Variants in FAM180B observed in about 807,000 individuals in gnomAD.
The protein encoded by FAM180B is protein FAM180B.
In FAM180B, 14 loss-of-function variants were observed where a neutral mutation model predicts 13.6. That is an observed-to-expected ratio of 1.03 (90% confidence interval 0.68 to 1.60). FAM180B has a LOEUF of 1.60. Among genes scored for constraint, FAM180B ranks in the 40% most tolerant of loss-of-function variants. The pLI is 0.00. For synonymous variants in FAM180B, 109 were observed against 97.0 expected (o/e 1.12, Z -0.72); for missense variants, 212 against 230.4 (o/e 0.92, Z 0.52).
Position 47,588,100 on chromosome 11 carries a change from T to A in FAM180B, c.218T>A (p.Leu73Gln). The A allele has an allele frequency of 6.5e-7, 1 of 1,537,086 alleles. No individual in the cohort carries two copies. Among genetic ancestry groups the A allele is most frequent in the Non-Finnish European group, 8.7e-7 (1 of 1,146,872 alleles). ...CAGCTGCACATCCAGGATGAGGAAC[T>A]AGCGTCCACACACCCAGGCCGCCGA... ...MGQLHIQDEELASTHPGRRLR... is the reference protein window; with the variant it reads ...MGQLHIQDEEQASTHPGRRLR... Residue 73 changes from leucine to glutamine, a missense_variant, in exon 3 of 3, where the codon CTA becomes CAA. Transcript: ENST00000538490.
Position 47,588,487 on chromosome 11 carries a change from A to T in FAM180B, c.*53A>T. ...ATTACCCCCTCCCATCTCCTCCTCA[A>T]CCCCCCAGGCAGACCCATCTTGCGC... On this transcript the variant is annotated 3_prime_UTR_variant, in exon 3 of 3. Coordinates refer to ENST00000538490, the MANE Select transcript of FAM180B (RefSeq NM_001164379.3). The T allele has an allele frequency of 1.2e-6, 1 of 828,576 alleles. No homozygotes were observed. The highest frequency in any genetic ancestry group is 1.8e-6 in the Non-Finnish European group (1 of 548,976). 51.3% of individuals were successfully genotyped at this position (828,576 alleles called of 1,614,324 possible). A position where few individuals can be genotyped will look rare whatever the true frequency, so the allele number is the denominator to read the frequency against.
chr11:47,586,828 T>A lies in FAM180B; in HGVS notation c.60T>A (p.Gly20=). 1 of 1,537,102 alleles carries A rather than the reference T, an allele frequency of 6.5e-7. No homozygotes were observed. Residue 20 remains glycine (G), a synonymous_variant, in exon 1 of 3, where the codon GGT becomes GGA. Coordinates refer to ENST00000538490, the MANE Select transcript of FAM180B (RefSeq NM_001164379.3). Reference sequence around the variant, plus strand: ...TGGTAGCCATTTGTCTCCTCTCTGGTGTGACTACAACCCAGCCCCATGCAG... The same window carrying A: ...TGGTAGCCATTTGTCTCCTCTCTGGAGTGACTACAACCCAGCCCCATGCAG... ...CLVVAICLLS[G]VTTTQPHAGQ...
chr11:47,586,969 C>A (rs2097271935), intron 1 of FAM180B, 116 bp downstream of exon 1: 1 of 703,780 alleles, frequency 1.4e-6, no homozygotes, highest in Non-Finnish European at 2.5e-6. Context: ...GGGTACCAGG[C>A]TGATGTGTGC....
At position 47,587,772 on chromosome 11, in the gene FAM180B, G is replaced by A. The variant is rs943509966; in HGVS notation, c.107G>A (p.Ser36Asn). Residue 36 changes from serine to asparagine, a missense_variant, in exon 2 of 3, where the codon AGC (serine) becomes AAC (asparagine). Coordinates refer to ENST00000538490, the MANE Select transcript of FAM180B (RefSeq NM_001164379.3). ...PHAGQPMDST[S>N]VGGGLQEPEA... Reference sequence around the variant, plus strand: ...CCAGGGCAGCCCATGGACAGCACCAGCGTGGGAGGTGGCCTGCAGGAGCCA... The same window carrying A: ...CCAGGGCAGCCCATGGACAGCACCAACGTGGGAGGTGGCCTGCAGGAGCCA... 5 of 1,534,048 alleles carry A rather than the reference G, an allele frequency of 3.3e-6. No individual in the cohort carries two copies. The highest frequency in any genetic ancestry group is 4.0e-5 in the Admixed American group (2 of 50,538).
At chr11:47,587,486 G>A (rs1272168024) in intron 1 of FAM180B, among the ~76,000 whole-genome samples, 1 of 152,182 alleles carries the variant, frequency 6.6e-6, no homozygotes, top group African/African-American at 2.4e-5. Context: ...ATTTAAAGGA[G>A]GTGTCCTGGG....
At chr11:47,587,373 GT>G (rs2097272196) in intron 1 of FAM180B, among the ~76,000 whole-genome samples, 1 of 152,170 alleles carries the variant, frequency 6.6e-6, no homozygotes, top group Non-Finnish European at 1.5e-5. Context: ...CACTGGCACT[GT>G]TTTAGGTGAC....
chr11:47,586,848 A>G lies in FAM180B; in HGVS notation c.80A>G (p.His27Arg). Residue 27 changes from histidine to arginine, a missense_variant, in exon 1 of 3, where the codon CAT (histidine) becomes CGT (arginine). By Grantham distance (29) the His-to-Arg change is conservative (BLOSUM62 0). Coordinates refer to ENST00000538490, the MANE Select transcript of FAM180B (RefSeq NM_001164379.3). ...LLSGVTTTQP[H>R]AGQPMDSTSV... is the part of the protein sequence containing the mutation. ...TCTGGTGTGACTACAACCCAGCCCC[A>G]TGCAGGTACCAGGCTTCAGGGTGGG... The G allele has an allele frequency of 2.0e-6, 3 of 1,536,190 alleles. No homozygotes were observed. The highest frequency in any genetic ancestry group is 1.2e-5 in the South Asian group (1 of 84,048).
At position 47,588,325 on chromosome 11, in the gene FAM180B, T is replaced by C; in HGVS notation, c.443T>C (p.Phe148Ser). 6.5e-7 allele frequency: 1 copy of C among 1,537,066 alleles called. No homozygotes were observed. Among genetic ancestry groups the C allele is most frequent in the South Asian group, 1.2e-5 (1 of 84,052 alleles). ...AEERGRWAQVFALLAQETLWD... is the reference protein window; with the variant it reads ...AEERGRWAQVSALLAQETLWD... ...GAACGGGGCCGCTGGGCCCAGGTCT[T>C]CGCTCTCCTGGCACAGGAAACACTC... The change falls in exon 3 of 3, where the codon TTC becomes TCC. Residue 148 changes from phenylalanine (F) to serine (S), a missense_variant. Phe to Ser is a radical substitution (Grantham distance 155). Coordinates refer to ENST00000538490, the MANE Select transcript of FAM180B (RefSeq NM_001164379.3).
chr11:47,586,757 A>G lies in FAM180B; in HGVS notation c.-12A>G. 1 of 1,533,960 alleles carries G rather than the reference A, an allele frequency of 6.5e-7. No individual in the cohort carries two copies. The highest frequency in any genetic ancestry group is 1.2e-5 in the South Asian group (1 of 83,988). ...TGCTGAACAGAGTGAGACTCAGAGG[A>G]CGTGGTTGAGCATGGCTGCGACCCT... On this transcript the variant is annotated 5_prime_UTR_variant, in exon 1 of 3. Transcript: ENST00000538490.
chr11:47,588,020 T>C lies in FAM180B; in HGVS notation c.157-19T>C. ...GCTCCCCAGGCCACAGCCCACCCCT[T>C]ACATGGCTCCCCTTGCAGCTGCTCT... On this transcript the variant is annotated intron_variant, in intron 2 of 2. Transcript: ENST00000538490. 1 of 1,517,700 alleles carries C rather than the reference T, an allele frequency of 6.6e-7. No homozygotes were observed. The highest frequency in any genetic ancestry group is 2.0e-5 in the Admixed American group (1 of 50,134). 94.0% of individuals were successfully genotyped at this position (1,517,700 alleles called of 1,614,324 possible).
intron 2 of FAM180B, 38 bp from the exon 3 acceptor site, chr11:47,588,001 C>T (rs1480029516): frequency 1.3e-6 from 2 of 1,501,142 alleles, no homozygotes; most frequent in Admixed American, 2.0e-5. Flanking sequence ...CCCTGCTCCC[C>T]AGGCCACAGC....
Position 47,588,125 on chromosome 11 carries a change from A to T in FAM180B, c.243A>T (p.Arg81=), listed in dbSNP as rs1338396170. 5.2e-6 allele frequency: 8 copies of T among 1,536,944 alleles called. No individual in the cohort carries two copies. The highest frequency in any genetic ancestry group is 7.0e-6 in the Non-Finnish European group (8 of 1,146,872). The part of the protein sequence containing the change: ...EELASTHPGR[R]LRLLLQHHVP... ...TAGCGTCCACACACCCAGGCCGCCG[A>T]CTCAGACTCCTCCTGCAGCACCACG... Residue 81 remains arginine, a synonymous_variant, in exon 3 of 3, where the codon CGA becomes CGT. Coordinates refer to ENST00000538490, the MANE Select transcript of FAM180B (RefSeq NM_001164379.3).
chr11:47,588,656 G>A lies in FAM180B; in HGVS notation c.*222G>A, dbSNP rs1221063953. The A allele has an allele frequency of 1.3e-5, 7 of 525,004 alleles. No individual in the cohort carries two copies. Among genetic ancestry groups the A allele is most frequent in the South Asian group, 8.4e-5 (3 of 35,846 alleles). 32.5% of individuals were successfully genotyped at this position (525,004 alleles called of 1,614,324 possible). On this transcript the variant is annotated 3_prime_UTR_variant, in exon 3 of 3. Transcript: ENST00000538490. ...AGGCTAAGAACCCAGGCTCTGGGTC[G>A]CAAGGAGTGCGCAAGGAGTGGGCAC...
In FAM180B at chr11:47,586,759, G is replaced by A. The variant is rs773042296; in HGVS notation, c.-10G>A. ...CTGAACAGAGTGAGACTCAGAGGAC[G>A]TGGTTGAGCATGGCTGCGACCCTGC... On this transcript the variant is annotated 5_prime_UTR_variant, in exon 1 of 3. It adds an upstream start codon to the 5' untranslated region. Coordinates refer to ENST00000538490, the MANE Select transcript of FAM180B (RefSeq NM_001164379.3). The A allele has an allele frequency of 2.0e-5, 30 of 1,535,120 alleles. No individual in the cohort carries two copies. Among genetic ancestry groups the A allele is most frequent in the Admixed American group, 5.9e-5 (3 of 50,982 alleles).
chr11:47,588,562 G>T lies in FAM180B; in HGVS notation c.*128G>T. On this transcript the variant is annotated 3_prime_UTR_variant, in exon 3 of 3. Transcript: ENST00000538490. ...TCTTTTCACCGTGTTCAGATCTCTGGGCTTGGCTTGCACCCTGGACACCCC... is the reference window on the plus strand; with the variant it reads ...TCTTTTCACCGTGTTCAGATCTCTGTGCTTGGCTTGCACCCTGGACACCCC... 1.7e-6 allele frequency: 1 copy of T among 591,846 alleles called. No homozygotes were observed. Among genetic ancestry groups the T allele is most frequent in the South Asian group, 2.3e-5 (1 of 43,820 alleles). The allele number at this position is 591,846 out of a possible 1,614,324, so 36.7% of individuals were successfully genotyped here.
rs368777210 is a variant in FAM180B at position 47,588,120 on chromosome 11, C to T, written c.238C>T (p.Arg80Cys). ...DEELASTHPG[R>C]RLRLLLQHHV... ...GGAACTAGCGTCCACACACCCAGGC[C>T]GCCGACTCAGACTCCTCCTGCAGCA... The change falls in exon 3 of 3, where the codon CGC becomes TGC. Residue 80 changes from arginine (R) to cysteine (C), a missense_variant. Coordinates refer to ENST00000538490, the MANE Select transcript of FAM180B (RefSeq NM_001164379.3). 2.7e-5 allele frequency: 42 copies of T among 1,537,078 alleles called. No individual in the cohort carries two copies. The African/African-American group carries it at 4.7e-4, about 17-fold the overall frequency.
intron 1 of FAM180B, 30 bp downstream of exon 1, chr11:47,586,883 G>C: frequency 6.9e-7 from 1 of 1,456,996 alleles, no homozygotes; most frequent in Non-Finnish European, 9.3e-7. Context: ...GTGGAGAGGA[G>C]CCAAGGCTGC....
intron 2 of FAM180B, 95 bp from the exon 3 acceptor site, chr11:47,587,944 C>A: frequency 7.0e-7 from 1 of 1,419,228 alleles, no homozygotes; most frequent in South Asian, 1.4e-5. Flanking sequence ...CAGCATGCGT[C>A]CTGCTGCCTG....
intron 1 of FAM180B, 114 bp downstream of exon 1, chr11:47,586,967 G>C (rs965771469): frequency 2.5e-5 from 18 of 717,310 alleles, no homozygotes; most frequent in Non-Finnish European, 4.4e-5. Flanking sequence ...GTGGGTACCA[G>C]GCTGATGTGT....
Sources: gnomAD v4.1 joint callset for allele counts (sites outside exome capture counted in the v4.1 genomes callset) on GRCh38, gnomAD v4.1.1 for gene constraint, MANE v1.5 for transcripts, NCBI Gene and HGNC (gene_info 2026-07-23, HGNC 2026-07-21) for gene names.